Variants in TRIM48 observed in about 807,000 individuals in gnomAD.
The protein encoded by TRIM48 is tripartite motif containing 48.
A neutral mutation model predicts 29.5 loss-of-function variants in TRIM48; 31 were observed. The ratio of observed to expected loss-of-function variants is 1.05; its 90% confidence interval spans 0.79 to 1.42. The LOEUF (loss-of-function observed/expected upper bound fraction) is 1.42. Ranked by LOEUF, TRIM48 falls within the 40% of genes most tolerant of loss-of-function variation. TRIM48 has a pLI of 0.00. For synonymous variants in TRIM48, 128 were observed against 90.6 expected (o/e 1.41, Z -2.34); for missense variants, 344 against 265.0 (o/e 1.30, Z -2.07).
rs565871617 is a variant in TRIM48 at position 55,269,473 on chromosome 11, C to A, written c.*1+134C>A. The A allele has an allele frequency of 7.4e-5, 90 of 1,221,390 alleles. 16 individuals carry two copies. In the South Asian group the frequency reaches 1.4e-3, roughly 19 times the overall value. The allele number at this position is 1,221,390 out of a possible 1,614,324, so 75.7% of individuals were successfully genotyped here. ...TAAGAGAACAATATAATCATGCAACCCTTTTGTATCTGTGTCTGTATAGTC... is the reference window on the plus strand; with the variant it reads ...TAAGAGAACAATATAATCATGCAACACTTTTGTATCTGTGTCTGTATAGTC... On this transcript the variant is annotated intron_variant, in intron 5 of 5. Coordinates refer to ENST00000417545, the MANE Select transcript of TRIM48 (RefSeq NM_024114.5).
rs191329177 is a variant in TRIM48, at chr11:55,262,282, C to T, written c.15C>T (p.Ile5=). 1,207 of 1,548,706 alleles carry T rather than the reference C, an allele frequency of 7.8e-4. 14 individuals are homozygous for T. In the African/African-American group the frequency reaches 0.015, roughly 19 times the overall value. The change falls in exon 1 of 6, where the codon ATC becomes ATT. Residue 5 remains isoleucine, a synonymous_variant. Transcript: ENST00000417545. The part of the protein sequence containing the change: MSRR[I]IVGTLQRTQR... ...TTAACAGAATTATGTCTCGAAGAAT[C>T]ATTGTGGGAACCCTTCAAAGAACCC...
In TRIM48 at chr11:55,265,461, G is replaced by A. The variant is rs1040836999; in HGVS notation, c.460-139G>A. 5 of 1,483,280 alleles carry A rather than the reference G, an allele frequency of 3.4e-6. No homozygotes were observed. The African/African-American group carries it at 5.7e-5, about 17-fold the overall frequency. 91.9% of individuals were successfully genotyped at this position (1,483,280 alleles called of 1,614,324 possible). On this transcript the variant is annotated intron_variant, in intron 2 of 5. Transcript: ENST00000417545. Reference sequence around the variant, plus strand: ...TCTTAGCTTCAAACCTCTGAGATTTGACGAGGAAGAAGTGAAACAGAAGAA... The same window carrying A: ...TCTTAGCTTCAAACCTCTGAGATTTAACGAGGAAGAAGTGAAACAGAAGAA...
At chr11:55,265,868 T>A (rs1407504462) in intron 3 of TRIM48, among the ~76,000 whole-genome samples, 173 bp downstream of exon 3, 2 of 146,332 alleles carry the variant, frequency 1.4e-5, no homozygotes, top group Non-Finnish European at 3.0e-5. Flanking sequence ...ATAGTGTGAC[T>A]ATTAGATGGG....
At chr11:55,270,237 G>T (rs1217259422) in intron 5 of TRIM48, among the ~76,000 whole-genome samples, 200 bp from the exon 6 acceptor site, 1 of 147,940 alleles carries the variant, frequency 6.8e-6, no homozygotes, top group Non-Finnish European at 1.5e-5. Context: ...TTTAATATCT[G>T]TGGTTAGCAT....
chr11:55,270,777 G>T lies in TRIM48; in HGVS notation c.*342G>T. 4 of 1,574,330 alleles carry T rather than the reference G, an allele frequency of 2.5e-6. No homozygotes were observed. Among genetic ancestry groups the T allele is most frequent in the Non-Finnish European group, 3.5e-6 (4 of 1,157,596 alleles). On this transcript the variant is annotated 3_prime_UTR_variant, in exon 6 of 6. Transcript: ENST00000417545. The stretch of plus-strand genomic sequence containing the variant: ...TTACCACCTCCCCAATTACACTGCA[G>T]TATGTCCCAAGACCTACCAACCATG...
chr11:55,265,265 A>G lies in TRIM48; in HGVS notation c.410A>G (p.His137Arg). ...TTGCTGTGCTCCAGCTCTCAGGAGC[A>G]CCGGTATCACAGACACTGTCCCGCT... ...LCLLCSSSQEHRYHRHCPAEW... is the reference protein window; with the variant it reads ...LCLLCSSSQERRYHRHCPAEW... The change falls in exon 2 of 6, where the codon CAC (histidine) becomes CGC (arginine). Residue 137 changes from histidine to arginine, a missense_variant. His to Arg is a conservative substitution (Grantham distance 29). Coordinates refer to ENST00000417545, the MANE Select transcript of TRIM48 (RefSeq NM_024114.5). 1 of 1,582,464 alleles carries G rather than the reference A, an allele frequency of 6.3e-7. No homozygotes were observed. Among genetic ancestry groups the G allele is most frequent in the Non-Finnish European group, 8.6e-7 (1 of 1,166,152 alleles).
intron 1 of TRIM48, among the ~76,000 whole-genome samples, chr11:55,262,567 T>C (rs938852002): frequency 2.6e-5 from 4 of 152,160 alleles, no homozygotes; most frequent in African/African-American, 9.7e-5. Context: ...AATGAATATA[T>C]GGAGTTGATA....
At position 55,264,838 on chromosome 11, in the gene TRIM48, C is replaced by A. The variant is rs557592218; in HGVS notation, c.45-62C>A. The A allele has an allele frequency of 1.7e-3, 2,639 of 1,570,370 alleles. 220 individuals are homozygous for A. In the African/African-American group the frequency reaches 0.029, roughly 17 times the overall value. On this transcript the variant is annotated intron_variant, in intron 1 of 5. Coordinates refer to ENST00000417545, the MANE Select transcript of TRIM48 (RefSeq NM_024114.5). Reference sequence around the variant, plus strand: ...AAACTATAGCTATCACTTATCTCCACATGTTCAGAAGCTTTTCATCAACCC... The same window carrying A: ...AAACTATAGCTATCACTTATCTCCAAATGTTCAGAAGCTTTTCATCAACCC...
intron 5 of TRIM48, among the ~76,000 whole-genome samples, chr11:55,269,881 A>G (rs1446464826): frequency 6.8e-6 from 1 of 148,030 alleles, no homozygotes; most frequent in African/African-American, 2.5e-5. Flanking sequence ...TGCAATATGA[A>G]AAGCTACATG....
chr11:55,269,245 T>G lies in TRIM48; in HGVS notation c.582T>G (p.Ser194Arg), dbSNP rs1590623400. Residue 194 changes from serine to arginine, a missense_variant, in exon 5 of 6, where the codon AGT becomes AGG. By Grantham distance (110) the Ser-to-Arg change is moderately radical. Transcript: ENST00000417545. ...WKAFGDILYR[S>R]ESVLLHMPQP... Reference sequence around the variant, plus strand: ...AACTGCAGGTTTTTCCTTGCAGGAGTGAGTCCGTGCTGCTGCACATGCCCC... The same window carrying G: ...AACTGCAGGTTTTTCCTTGCAGGAGGGAGTCCGTGCTGCTGCACATGCCCC... The G allele has an allele frequency of 1.3e-6, 2 of 1,574,094 alleles. No homozygotes were observed. Among genetic ancestry groups the G allele is most frequent in the Non-Finnish European group, 1.7e-6 (2 of 1,165,906 alleles).
intron 1 of TRIM48, among the ~76,000 whole-genome samples, chr11:55,263,968 G>C (rs927153983): frequency 1.3e-5 from 2 of 152,026 alleles, no homozygotes; most frequent in African/African-American, 4.8e-5. Context: ...CAAACTGAGG[G>C]ATGATGGTCC....
chr11:55,265,316 T>C lies in TRIM48; in HGVS notation c.459+2T>C. ...GAGTGGGCTGCTGAGGAACACTGGG[T>C]AAGTGATGCCTCTGAAGATCTATTT... is the stretch of plus-strand genomic sequence containing the variant. On this transcript the variant is annotated splice_donor_variant, in intron 2 of 5. Coordinates refer to ENST00000417545, the MANE Select transcript of TRIM48 (RefSeq NM_024114.5). LOFTEE classifies it high-confidence loss of function. 6.3e-7 allele frequency: 1 copy of C among 1,582,088 alleles called. No homozygotes were observed. The highest frequency in any genetic ancestry group is 8.6e-7 in the Non-Finnish European group (1 of 1,166,014).
rs966318655 is a variant in TRIM48, at chr11:55,266,054, C to T, written c.555+359C>T. Among the ~76,000 whole-genome samples, 7 of 147,518 alleles carry T rather than the reference C, an allele frequency of 4.7e-5. 1 individual carries two copies. Among genetic ancestry groups the T allele is most frequent in the Admixed American group, 2.1e-4 (3 of 14,566 alleles). ...GGCAGTCATGGAAAGCTCAAGTGAA[C>T]CTTCTGAGCCTGGGTCAGCATTAAT... On this transcript the variant is annotated intron_variant, in intron 3 of 5. Coordinates refer to ENST00000417545, the MANE Select transcript of TRIM48 (RefSeq NM_024114.5).
rs191237654 is a variant in TRIM48, at chr11:55,267,179, A to G, written c.556-1171A>G. ...TCAAATTGTGTTTTTTTTTATTTCCAACTATCTTAGAACACTCCTTATCTT... is the reference window on the plus strand; with the variant it reads ...TCAAATTGTGTTTTTTTTTATTTCCGACTATCTTAGAACACTCCTTATCTT... On this transcript the variant is annotated intron_variant, in intron 3 of 5. Transcript: ENST00000417545. Among the ~76,000 whole-genome samples the G allele has an allele frequency of 1.0e-4, 15 of 147,938 alleles. 3 individuals are homozygous for G. In the East Asian group the frequency reaches 2.8e-3, roughly 28 times the overall value.
rs1857372737 is a variant in TRIM48, at chr11:55,265,237, T to A, written c.382T>A (p.Cys128Ser). 6.3e-7 allele frequency: 1 copy of A among 1,582,610 alleles called. No homozygotes were observed. Among genetic ancestry groups the A allele is most frequent in the Non-Finnish European group, 8.6e-7 (1 of 1,166,190 alleles). The change falls in exon 2 of 6, where the codon TGT (cysteine) becomes AGT (serine). Residue 128 changes from cysteine (C) to serine (S), a missense_variant. By Grantham distance (112) the Cys-to-Ser change is moderately radical. Coordinates refer to ENST00000417545, the MANE Select transcript of TRIM48 (RefSeq NM_024114.5). ...CTGTGAAGTGGACAGGAGCCTGCTC[T>A]GTTTGCTGTGCTCCAGCTCTCAGGA... is the stretch of plus-strand genomic sequence containing the variant. The part of the protein sequence containing the change: ...MFCEVDRSLL[C>S]LLCSSSQEHR...
At chr11:55,264,721 A>G (rs527701220) in intron 1 of TRIM48, among the ~76,000 whole-genome samples, 179 bp from the exon 2 acceptor site, 3 of 148,232 alleles carry the variant, frequency 2.0e-5, no homozygotes, top group African/African-American at 7.4e-5. Context: ...AGTAATATCT[A>G]TTATAAAGCC....
Position 55,270,588 on chromosome 11 carries a change from C to G in TRIM48, c.*153C>G, listed in dbSNP as rs909771321. 2 of 1,583,356 alleles carry G rather than the reference C, an allele frequency of 1.3e-6. No homozygotes were observed. The highest frequency in any genetic ancestry group is 2.7e-5 in the African/African-American group (2 of 73,368). On this transcript the variant is annotated 3_prime_UTR_variant, in exon 6 of 6. Coordinates refer to ENST00000417545, the MANE Select transcript of TRIM48 (RefSeq NM_024114.5). ...TTGCATGGGGTGCTCAGACTTTCACCTCTGGCAAATATTACTGGGAGGTCC... is the reference window on the plus strand; with the variant it reads ...TTGCATGGGGTGCTCAGACTTTCACGTCTGGCAAATATTACTGGGAGGTCC...
In TRIM48 at chr11:55,265,221, G is replaced by A. The variant is rs745976271; in HGVS notation, c.366G>A (p.Val122=). Residue 122 remains valine, a synonymous_variant, in exon 2 of 6, where the codon GTG becomes GTA. Transcript: ENST00000417545. ...HRETKKMFCE[V]DRSLLCLLCS... is the part of the protein sequence containing the mutation. Reference sequence around the variant, plus strand: ...AGACAAAGAAGATGTTCTGTGAAGTGGACAGGAGCCTGCTCTGTTTGCTGT... The same window carrying A: ...AGACAAAGAAGATGTTCTGTGAAGTAGACAGGAGCCTGCTCTGTTTGCTGT... 85 of 1,582,762 alleles carry A rather than the reference G, an allele frequency of 5.4e-5. 8 individuals are homozygous for A. Among genetic ancestry groups the A allele is most frequent in the Non-Finnish European group, 7.1e-5 (83 of 1,166,212 alleles).
chr11:55,271,093 A>T lies in TRIM48; in HGVS notation c.*658A>T. ...AAAACTCATTTATTGTGTTACTATT[A>T]AATGTAGTAAAAACACTAAAAGTAT... On this transcript the variant is annotated 3_prime_UTR_variant, in exon 6 of 6. Transcript: ENST00000417545. 1 of 1,011,018 alleles carries T rather than the reference A, an allele frequency of 9.9e-7. No homozygotes were observed. The highest frequency in any genetic ancestry group is 3.9e-5 in the East Asian group (1 of 25,606). The allele number at this position is 1,011,018 out of a possible 1,614,324, so 62.6% of individuals were successfully genotyped here. A position where few individuals can be genotyped will look rare whatever the true frequency, so the allele number is the denominator to read the frequency against.
Sources: allele counts gnomAD v4.1 joint callset (sites outside exome capture counted in the v4.1 genomes callset), GRCh38; gene constraint gnomAD v4.1.1; transcripts MANE v1.5; gene names NCBI Gene and HGNC (gene_info 2026-07-23, HGNC 2026-07-21).